MACROD2: variants seen among roughly 807,000 people sequenced by gnomAD.
The protein encoded by MACROD2 is ADP-ribose glycohydrolase MACROD2.
In MACROD2, 36 loss-of-function variants were observed where a neutral mutation model predicts 70.4. That is an observed-to-expected ratio of 0.51 (90% confidence interval 0.39 to 0.68). The LOEUF (loss-of-function observed/expected upper bound fraction) is 0.68, where lower values mean the gene tolerates loss of function less well. Among genes scored for constraint, MACROD2 ranks in the 30% least tolerant of loss-of-function variants. The pLI is 0.00. For missense variants in MACROD2, 496 were observed against 538.4 expected, an observed-to-expected ratio of 0.92 and a Z score of 0.78; for synonymous variants, 172 against 178.8, an observed-to-expected ratio of 0.96 and a Z score of 0.30.
chr20:14,373,441 G>A (rs993920370), intron 3 of MACROD2, among the ~76,000 whole-genome samples: 7 of 151,854 alleles, frequency 4.6e-5, no homozygotes, highest in African/African-American at 7.2e-5. Context: ...TTTTTTTAAC[G>A]TGTGTTTTAA....
At chr20:14,100,636 T>G (rs1016693306) in intron 3 of MACROD2, among the ~76,000 whole-genome samples, 1 of 141,308 alleles carries the variant, frequency 7.1e-6, no homozygotes, top group African/African-American at 2.6e-5. Context: ...ATATATATTT[T>G]TTTTATTTTA....
At chr20:15,469,721 T>C (rs2046940357) in intron 7 of MACROD2, among the ~76,000 whole-genome samples, 2 of 152,138 alleles carry the variant, frequency 1.3e-5, no homozygotes, top group South Asian at 4.1e-4. Context: ...ACATTCAAGA[T>C]GGAGAACGCA....
At chr20:14,919,115 G>T (rs2423844) in intron 5 of MACROD2, among the ~76,000 whole-genome samples, 50,330 of 152,002 alleles carry the variant, frequency 0.33, 8,601 homozygotes, top group Non-Finnish European at 0.35. Flanking sequence ...CACTCTCTCT[G>T]TGTTCATTCT....
chr20:14,736,033 T>TA (rs1244975754), intron 5 of MACROD2, among the ~76,000 whole-genome samples: 2 of 152,156 alleles, frequency 1.3e-5, no homozygotes, highest in Non-Finnish European at 2.9e-5. Context: ...CAAATGTTTA[T>TA]AGCAGCAATA....
At chr20:15,570,747 A>C (rs1438413366) in intron 8 of MACROD2, among the ~76,000 whole-genome samples, 1 of 152,134 alleles carries the variant, frequency 6.6e-6, no homozygotes, top group East Asian at 1.9e-4. Context: ...GCATCCTCAA[A>C]AATCCTCAGA....
intron 8 of MACROD2, among the ~76,000 whole-genome samples, chr20:15,819,277 AATAT>A (rs938088623): frequency 7.0e-6 from 1 of 143,598 alleles, no homozygotes; most frequent in Non-Finnish European, 1.5e-5. Context: ...GAGAGATATC[AATAT>A]ATATTTTATA....
chr20:15,304,807 A>G (rs1452103088), intron 6 of MACROD2, among the ~76,000 whole-genome samples: 1 of 152,204 alleles, frequency 6.6e-6, no homozygotes, highest in Non-Finnish European at 1.5e-5. Flanking sequence ...CCAATGGGGA[A>G]AGGACACAGG....
At position 14,470,238 on chromosome 20, in the gene MACROD2, C is replaced by T. The variant is rs148964802; in HGVS notation, c.272-23241C>T. ...GAGGTCCACTGCAGACCCTGTTTGCCGGGGTATCACCAGCAGAGACCGCAG... is the reference window on the plus strand; with the variant it reads ...GAGGTCCACTGCAGACCCTGTTTGCTGGGGTATCACCAGCAGAGACCGCAG... On this transcript the variant is annotated intron_variant, in intron 3 of 17. Coordinates refer to ENST00000684519, the MANE Select transcript of MACROD2 (RefSeq NM_001351661.2). 5.9e-4 allele frequency among the ~76,000 whole-genome samples: 90 copies of T among 152,138 alleles called. 1 individual carries two copies. The East Asian group carries it at 0.015, about 26-fold the overall frequency.
intron 5 of MACROD2, among the ~76,000 whole-genome samples, chr20:15,121,809 G>A (rs2076033100): frequency 6.6e-6 from 1 of 152,130 alleles, no homozygotes; most frequent in Non-Finnish European, 1.5e-5. Context: ...AGAAATGAGG[G>A]TTCAGAATGG....
chr20:14,495,217 CTGGAA>C (rs1181482425), intron 4 of MACROD2, among the ~76,000 whole-genome samples: 20 of 152,194 alleles, frequency 1.3e-4, no homozygotes, highest in African/African-American at 4.1e-4. Context: ...TAGATACAGG[CTGGAA>C]TGGTTGTGTG....
At chr20:15,471,566 G>A (rs567474671) in intron 7 of MACROD2, among the ~76,000 whole-genome samples, 17 of 152,146 alleles carry the variant, frequency 1.1e-4, no homozygotes, top group African/African-American at 2.2e-4. Flanking sequence ...TTTTCAGGTC[G>A]TAATAAAGCC....
chr20:14,159,274 A>G (rs1296848316), intron 3 of MACROD2, among the ~76,000 whole-genome samples: 1 of 152,126 alleles, frequency 6.6e-6, no homozygotes, highest in Non-Finnish European at 1.5e-5. Context: ...GAAAAATAAC[A>G]TTAGTATTTT....
chr20:14,031,668 A>G (rs2053247962), intron 2 of MACROD2, among the ~76,000 whole-genome samples: 1 of 152,178 alleles, frequency 6.6e-6, no homozygotes, highest in African/African-American at 2.4e-5. Context: ...AAACAAAGAA[A>G]TACATCAGAT....
intron 2 of MACROD2, among the ~76,000 whole-genome samples, chr20:14,072,138 G>T (rs952373418): frequency 6.6e-6 from 1 of 152,158 alleles, no homozygotes; most frequent in Non-Finnish European, 1.5e-5. Context: ...TTGTCAAATA[G>T]TAGCAGAAAC....
intron 3 of MACROD2, among the ~76,000 whole-genome samples, chr20:14,177,301 C>CTT (rs71190114): frequency 0.14 from 17,564 of 125,322 alleles, 1,557 homozygotes; most frequent in East Asian, 0.29. Context: ...GAGATATCTT[C>CTT]TTTTTTTTTT....
intron 3 of MACROD2, chr20:14,223,278 A>G (rs542213578): frequency 9.2e-5 from 14 of 152,344 alleles, no homozygotes; most frequent in African/African-American, 3.1e-4. Context: ...TATATCAGCA[A>G]TGTATACAGT....
At chr20:15,493,560 A>G (rs937802573) in intron 7 of MACROD2, among the ~76,000 whole-genome samples, 6 of 152,212 alleles carry the variant, frequency 3.9e-5, no homozygotes, top group Admixed American at 1.3e-4. Context: ...TTTTAGTGGA[A>G]TATGCTAGAG....
chr20:14,313,729 G>A (rs1568550399), intron 3 of MACROD2, among the ~76,000 whole-genome samples: 2 of 152,146 alleles, frequency 1.3e-5, no homozygotes, highest in African/African-American at 4.8e-5. Flanking sequence ...TGTTAACTAA[G>A]TTTCTGTAGC....
At chr20:15,939,140 G>C (rs1426368117) in intron 12 of MACROD2, among the ~76,000 whole-genome samples, 4 of 152,202 alleles carry the variant, frequency 2.6e-5, no homozygotes, top group African/African-American at 9.7e-5. Flanking sequence ...TGATGTAAAA[G>C]CTGCAGCAAG....
Sources: allele counts gnomAD v4.1 joint callset (sites outside exome capture counted in the v4.1 genomes callset), GRCh38; gene constraint gnomAD v4.1.1; transcripts MANE v1.5; gene names NCBI Gene and HGNC (gene_info 2026-07-23, HGNC 2026-07-21).